The following TASOR variants were observed in gnomAD, a reference collection of about 807,000 sequenced individuals.
The protein encoded by TASOR is protein TASOR.
Under a neutral mutation model 178.6 loss-of-function variants are expected in TASOR, and 53 were observed. The ratio of observed to expected loss-of-function variants is 0.30; its 90% CI spans 0.24 to 0.37. The LOEUF is 0.37. TASOR is among the 10% of genes least tolerant of loss of function. The probability of loss-of-function intolerance (pLI) is 1.00; values close to 1 mark genes in which losing one functional copy is unlikely to be tolerated. For missense variants in TASOR, 1,815 were observed against 1,971.4 expected (o/e 0.92, Z 1.50); for synonymous variants, 713 against 696.2 (o/e 1.02, Z -0.38).
rs553231731 is a variant in TASOR, at chr3:56,670,807, G to A, written c.571-662C>T. Among the ~76,000 whole-genome samples the A allele has an allele frequency of 4.6e-5, 7 of 151,216 alleles. No individual in the cohort carries two copies. In the East Asian group the frequency reaches 1.2e-3, roughly 25 times the overall value. ...AAAAAAATTAGCCGGGTGCGGTGGCGTGTCCTGTAATCCCAGCTACTCGGG... is the reference window on the plus strand; with the variant it reads ...AAAAAAATTAGCCGGGTGCGGTGGCATGTCCTGTAATCCCAGCTACTCGGG... On this transcript the variant is annotated intron_variant, in intron 3 of 23. Coordinates refer to ENST00000683822, the MANE Select transcript of TASOR (RefSeq NM_001365635.2).
rs2031944715 is a variant in TASOR, at chr3:56,683,012, C to T, written c.-6G>A. The T allele has an allele frequency of 2.0e-6, 3 of 1,532,358 alleles. No homozygotes were observed. Among genetic ancestry groups the T allele is most frequent in the Non-Finnish European group, 2.6e-6 (3 of 1,137,582 alleles). 94.9% of individuals were successfully genotyped at this position (1,532,358 alleles called of 1,614,324 possible). ...GTCTCCACAGCAGTCGCCATCGCGC[C>T]GGCCTAAGGAGCTCTGGGAAGCTTC... On this transcript the variant is annotated 5_prime_UTR_variant, in exon 1 of 24. Transcript: ENST00000683822.
chr3:56,658,988 G>T (rs2077535515), intron 11 of TASOR, among the ~76,000 whole-genome samples: 1 of 150,844 alleles, frequency 6.6e-6, no homozygotes, highest in Non-Finnish European at 1.5e-5. Context: ...GTGCACGCGT[G>T]TGTGTTTTAA....
At position 56,668,386 on chromosome 3, in the gene TASOR, C is replaced by G. The variant is rs1461148248; in HGVS notation, c.897+11G>C. On this transcript the variant is annotated intron_variant, in intron 6 of 23. Transcript: ENST00000683822. ...TGAGATCACAACATTACAACGGATC[C>G]TGGAACCTACCTGAGTAAGCTCATA... The G allele has an allele frequency of 1.3e-6, 2 of 1,549,852 alleles. No individual in the cohort carries two copies. Among genetic ancestry groups the G allele is most frequent in the Admixed American group, 4.0e-5 (2 of 50,516 alleles).
intron 11 of TASOR, among the ~76,000 whole-genome samples, chr3:56,653,680 C>T (rs2317252): frequency 0.62 from 93,658 of 151,894 alleles, 31,488 homozygotes; most frequent in East Asian, 0.96. Flanking sequence ...ATTGACCACA[C>T]AGTAGATCTT....
Position 56,623,139 on chromosome 3 carries a change from G to A in TASOR, c.4911C>T (p.Tyr1637=). The part of the protein sequence containing the change: ...SSSQSQENEN[Y]FLSAYTESLD... ...AGCTTTCAGTATAAGCAGATAAGAA[G>A]TAATTCTCATTTTCTTGAGACTGAC... Residue 1637 remains tyrosine (Y), a synonymous_variant, in exon 24 of 24, where the codon TAC becomes TAT. Transcript: ENST00000683822. 6.2e-7 allele frequency: 1 copy of A among 1,613,664 alleles called. No individual in the cohort carries two copies. The highest frequency in any genetic ancestry group is 1.3e-5 in the African/African-American group (1 of 75,024).
intron 1 of TASOR, among the ~76,000 whole-genome samples, chr3:56,675,483 T>C (rs1260778266): frequency 2.0e-5 from 3 of 152,196 alleles, no homozygotes; most frequent in Non-Finnish European, 4.4e-5. Flanking sequence ...GGTCCCCACT[T>C]AATTTTTAAA....
chr3:56,622,857 T>TA lies in TASOR; in HGVS notation c.*179dup. ...CCAACATGAGATAATTCAAGTACAATATATGTTAAAAATATATATTTATTT... is the reference window on the plus strand; with the variant it reads ...CCAACATGAGATAATTCAAGTACAATAATATGTTAAAAATATATATTTATTT... On this transcript the variant is annotated 3_prime_UTR_variant, in exon 24 of 24. Coordinates refer to ENST00000683822, the MANE Select transcript of TASOR (RefSeq NM_001365635.2). 1 of 410,862 alleles carries TA rather than the reference T, an allele frequency of 2.4e-6. No individual in the cohort carries two copies. The highest frequency in any genetic ancestry group is 4.3e-6 in the Non-Finnish European group (1 of 234,770). 25.5% of individuals were successfully genotyped at this position (410,862 alleles called of 1,614,324 possible). A position where few individuals can be genotyped will look rare whatever the true frequency, so the allele number is the denominator to read the frequency against.
chr3:56,636,389 TTGG>T (rs200093726), intron 17 of TASOR, among the ~76,000 whole-genome samples: 2 of 150,094 alleles, frequency 1.3e-5, no homozygotes, highest in Admixed American at 6.6e-5. Flanking sequence ...GCTTTTGTTG[TTGG>T]TGGTGGTGGT....
At chr3:56,635,825 C>T (rs1370997069) in intron 17 of TASOR, among the ~76,000 whole-genome samples, 1 of 152,062 alleles carries the variant, frequency 6.6e-6, no homozygotes, top group Non-Finnish European at 1.5e-5. Context: ...AGCTAAACAA[C>T]AACCAGTAAG....
chr3:56,663,179 T>A (rs1422848238), intron 8 of TASOR, among the ~76,000 whole-genome samples: 1 of 152,024 alleles, frequency 6.6e-6, no homozygotes, highest in East Asian at 1.9e-4. Context: ...AGACTCTGTC[T>A]CAGAAAAGAA....
chr3:56,647,091 T>C lies in TASOR; in HGVS notation c.1646A>G (p.Asn549Ser). The change falls in exon 14 of 24, where the codon AAT becomes AGT. Residue 549 changes from asparagine to serine, a missense_variant. Asn to Ser is a conservative substitution (Grantham distance 46). Coordinates refer to ENST00000683822, the MANE Select transcript of TASOR (RefSeq NM_001365635.2). ...RKEFKNISAI[N>S]FHSVVEKYVS... ...ATACTTTTCAACAACAGAATGAAAA[T>C]TTATGGCGCTTATATTTTTGAATTC... 6.2e-7 allele frequency: 1 copy of C among 1,605,904 alleles called. No individual in the cohort carries two copies. The highest frequency in any genetic ancestry group is 8.5e-7 in the Non-Finnish European group (1 of 1,178,204).
chr3:56,641,557 G>A lies in TASOR; in HGVS notation c.2411C>T (p.Ala804Val). Residue 804 changes from alanine to valine, a missense_variant, in exon 15 of 24, where the codon GCC becomes GTC. Coordinates refer to ENST00000683822, the MANE Select transcript of TASOR (RefSeq NM_001365635.2). The stretch of plus-strand genomic sequence containing the variant: ...ATGTTTTTGCCTCAGCTCTTCATAG[G>A]CATCATCAGTGCTCAATCCTAAGGC... ...NKALGLSTDD[A>V]YEELRQKHEY... 1 of 1,614,156 alleles carries A rather than the reference G, an allele frequency of 6.2e-7. No homozygotes were observed. The highest frequency in any genetic ancestry group is 1.1e-5 in the South Asian group (1 of 91,078).
chr3:56,644,341 T>C (rs114441046), intron 14 of TASOR, among the ~76,000 whole-genome samples: 3,265 of 152,248 alleles, frequency 0.021, 42 homozygotes, highest in Admixed American at 0.033. Flanking sequence ...AGACAGTATG[T>C]GTCAGTAAGT....
In TASOR at chr3:56,663,663, G is replaced by T; in HGVS notation, c.1023-91C>A. 3 of 1,172,788 alleles carry T rather than the reference G, an allele frequency of 2.6e-6. No individual in the cohort carries two copies. In the South Asian group the frequency reaches 7.1e-5, roughly 28 times the overall value. 72.6% of individuals were successfully genotyped at this position (1,172,788 alleles called of 1,614,324 possible). On this transcript the variant is annotated intron_variant, in intron 7 of 23. Coordinates refer to ENST00000683822, the MANE Select transcript of TASOR (RefSeq NM_001365635.2). ...AGATGATATAAGTGCAATTTTTAAT[G>T]GCATACTACAGTTAAGTCCTTCCTC...
At chr3:56,668,636 CTTT>C in intron 5 of TASOR, 78 bp from the exon 6 acceptor site, 1 of 1,043,134 alleles carries the variant, frequency 9.6e-7, no homozygotes, top group African/African-American at 1.6e-5. Flanking sequence ...TGAAATACTT[CTTT>C]GAATATAGAT....
chr3:56,647,712 AT>A lies in TASOR; in HGVS notation c.1514-490del, dbSNP rs76186925. ...CTTAATCCAACAGTGAAATAAAGCC[AT>A]TAGTGGGAACTTTAGCTTAATACAC... On this transcript the variant is annotated intron_variant, in intron 13 of 23. Coordinates refer to ENST00000683822, the MANE Select transcript of TASOR (RefSeq NM_001365635.2). 7.8e-4 allele frequency among the ~76,000 whole-genome samples: 119 copies of A among 152,318 alleles called. 1 individual carries two copies. The East Asian group carries it at 0.019, about 24-fold the overall frequency.
At chr3:56,638,290 C>T (rs540561498) in intron 17 of TASOR, among the ~76,000 whole-genome samples, 2 of 152,072 alleles carry the variant, frequency 1.3e-5, no homozygotes, top group South Asian at 4.2e-4. Context: ...GCTTGAACCT[C>T]GGGAGGCAGA....
At chr3:56,634,758 GACAA>G (rs1205221290) in intron 17 of TASOR, among the ~76,000 whole-genome samples, 3 of 151,990 alleles carry the variant, frequency 2.0e-5, no homozygotes, top group Non-Finnish European at 4.4e-5. Context: ...TTTCACTCTT[GACAA>G]ACAGCTCAAT....
In TASOR at chr3:56,641,585, T is replaced by C. The variant is rs2077125827; in HGVS notation, c.2383A>G (p.Lys795Glu). The C allele has an allele frequency of 6.2e-7, 1 of 1,614,102 alleles. No homozygotes were observed. Among genetic ancestry groups the C allele is most frequent in the African/African-American group, 1.3e-5 (1 of 74,932 alleles). Residue 795 changes from lysine (K) to glutamate (E), a missense_variant, in exon 15 of 24, where the codon AAA (lysine) becomes GAA (glutamate). Lys to Glu is a moderately conservative substitution (Grantham distance 56). Coordinates refer to ENST00000683822, the MANE Select transcript of TASOR (RefSeq NM_001365635.2). ...SDASLTDTVN[K>E]ALGLSTDDAY... ...TCATCAGTGCTCAATCCTAAGGCTT[T>C]GTTGACTGTGTCTGTCAGAGATGCA...
Sources: allele counts gnomAD v4.1 joint callset (sites outside exome capture counted in the v4.1 genomes callset), GRCh38; gene constraint gnomAD v4.1.1; transcripts MANE v1.5; gene names NCBI Gene and HGNC (gene_info 2026-07-23, HGNC 2026-07-21).